The following PFKFB3 variants were observed in gnomAD, a reference collection of about 807,000 sequenced individuals.
The protein encoded by PFKFB3 is 6-phosphofructo-2-kinase/fructose-2,6-bisphosphatase 3.
In PFKFB3, 33 loss-of-function variants were observed where a neutral mutation model predicts 68.0. The ratio of observed to expected loss-of-function variants is 0.49; its 90% CI spans 0.37 to 0.65. The LOEUF (loss-of-function observed/expected upper bound fraction) is 0.65, where lower values mean the gene tolerates loss of function less well. Among genes scored for constraint, PFKFB3 ranks in the 30% least tolerant of loss-of-function variants. PFKFB3 has a pLI of 0.00. For missense variants in PFKFB3, 586 were observed against 712.2 expected, an observed-to-expected ratio of 0.82 and a Z score of 2.02; for synonymous variants, 315 against 288.2, an observed-to-expected ratio of 1.09 and a Z score of -0.94.
In PFKFB3 at chr10:6,226,308, C is replaced by T. The variant is rs764395379; in HGVS notation, c.1458C>T (p.Thr486=). 5 of 1,614,036 alleles carry T rather than the reference C, an allele frequency of 3.1e-6. No individual in the cohort carries two copies. Among genetic ancestry groups the T allele is most frequent in the East Asian group, 4.5e-5 (2 of 44,890 alleles). The part of the protein sequence containing the change: ...INSFEEHVAS[T]SAALPSCLPP... The stretch of plus-strand genomic sequence containing the variant: ...GCTTTGAGGAGCATGTGGCCTCCAC[C>T]TCGGCCGCCCTGCCCAGCTGCCTGC... Residue 486 remains threonine (T), a synonymous_variant, in exon 14 of 15, where the codon ACC becomes ACT. Coordinates refer to ENST00000379775, the MANE Select transcript of PFKFB3 (RefSeq NM_004566.4).
intron 1 of PFKFB3, among the ~76,000 whole-genome samples, chr10:6,172,735 T>A (rs540445146): frequency 6.6e-6 from 1 of 151,870 alleles, no homozygotes; most frequent in Admixed American, 6.6e-5. Flanking sequence ...GGCAGGAGGA[T>A]TGCTTGAGCC....
chr10:6,208,974 C>T (rs1041103558), intron 1 of PFKFB3, among the ~76,000 whole-genome samples: 6 of 152,216 alleles, frequency 3.9e-5, no homozygotes, highest in African/African-American at 1.4e-4. Flanking sequence ...GTACTGCGGG[C>T]TTGTAGACAG....
chr10:6,272,263 G>T, the PFKFB3 span, among the ~76,000 whole-genome samples: 1 of 152,192 alleles, frequency 6.6e-6, no homozygotes, highest in East Asian at 1.9e-4. Flanking sequence ...TGCAGGTAAT[G>T]GTCTCCTGTG....
chr10:6,312,590 C>A, the PFKFB3 span, among the ~76,000 whole-genome samples: 2 of 152,208 alleles, frequency 1.3e-5, no homozygotes, highest in Non-Finnish European at 2.9e-5. Context: ...AGCTACTAAA[C>A]ACACCTTCCA....
intron 1 of PFKFB3, among the ~76,000 whole-genome samples, chr10:6,165,938 G>C (rs1004171392): frequency 6.7e-6 from 1 of 148,330 alleles, no homozygotes; most frequent in African/African-American, 2.5e-5. Flanking sequence ...CCTCAGCCTC[G>C]TGAGTAGCTG....
intron 2 of PFKFB3, 48 bp downstream of exon 2, chr10:6,213,796 C>T (rs1276166459): frequency 1.3e-6 from 2 of 1,589,176 alleles, no homozygotes; most frequent in African/African-American, 1.3e-5. Flanking sequence ...AAAAACTTGA[C>T]CTTCCATCTC....
chr10:6,238,252 C>T (rs1846064864), downstream of PFKFB3, among the ~76,000 whole-genome samples: 1 of 152,020 alleles, frequency 6.6e-6, no homozygotes, highest in Admixed American at 6.6e-5. Flanking sequence ...GCAACCTCCA[C>T]CTCCCAGGTT....
At chr10:6,250,922 TCTTAA>T (rs1285997934) in intron 14 of PFKFB3, among the ~76,000 whole-genome samples, 3 of 152,196 alleles carry the variant, frequency 2.0e-5, no homozygotes, top group Non-Finnish European at 2.9e-5. Flanking sequence ...CGCCAGCGCT[TCTTAA>T]CTTAGCCGCA....
At chr10:6,308,256 T>C in the PFKFB3 span, among the ~76,000 whole-genome samples, 1 of 152,194 alleles carries the variant, frequency 6.6e-6, no homozygotes, top group African/African-American at 2.4e-5. Context: ...CTCATGCCCA[T>C]AATCCCAACA....
chr10:6,259,280 CCATCCATCCACCCAACCATT>C (rs1206619028), downstream of PFKFB3, among the ~76,000 whole-genome samples: 13 of 151,154 alleles, frequency 8.6e-5, no homozygotes, highest in African/African-American at 1.2e-4. Flanking sequence ...ACCCAACCAT[CCATCCATCCACCCAACCATT>C]CATCCATCCA....
chr10:6,167,907 C>G (rs528802509), intron 1 of PFKFB3, among the ~76,000 whole-genome samples: 1 of 152,232 alleles, frequency 6.6e-6, no homozygotes, highest in Non-Finnish European at 1.5e-5. Flanking sequence ...TTTTGTTTCT[C>G]TTTGCCTGTT....
At chr10:6,218,831 G>T (rs368425524) in intron 6 of PFKFB3, among the ~76,000 whole-genome samples, 1 of 152,172 alleles carries the variant, frequency 6.6e-6, no homozygotes, top group Non-Finnish European at 1.5e-5. Context: ...CATCTTCCCC[G>T]GCTGAAACTG....
At chr10:6,287,095 GT>G in the PFKFB3 span, among the ~76,000 whole-genome samples, 1 of 151,750 alleles carries the variant, frequency 6.6e-6, no homozygotes, top group African/African-American at 2.4e-5. Flanking sequence ...TTTTTGTTTT[GT>G]TTTGTTTTGT....
At chr10:6,201,686 C>A (rs1199169412), upstream of PFKFB3, among the ~76,000 whole-genome samples, 1 of 152,174 alleles carries the variant, frequency 6.6e-6, no homozygotes, top group East Asian at 1.9e-4. This position sits in a 1 kb window ranked among gnomAD's most constrained non-coding sequence, Gnocchi z 4.1. Flanking sequence ...TTTTCCGCCG[C>A]GGTGTAGGTT....
intron 1 of PFKFB3, among the ~76,000 whole-genome samples, chr10:6,196,462 G>A (rs1358803412): frequency 6.6e-6 from 1 of 152,136 alleles, no homozygotes; most frequent in Non-Finnish European, 1.5e-5. Flanking sequence ...GAGGAGCAAG[G>A]AAGCCAGTCC....
At chr10:6,199,295 C>T (rs188360563), upstream of PFKFB3, among the ~76,000 whole-genome samples, 3 of 152,222 alleles carry the variant, frequency 2.0e-5, no homozygotes, top group East Asian at 1.9e-4. Context: ...CACAGGATCA[C>T]GGAAATGCGG....
the PFKFB3 span, among the ~76,000 whole-genome samples, chr10:6,275,306 T>C: frequency 2.6e-5 from 4 of 152,226 alleles, no homozygotes; most frequent in Non-Finnish European, 5.9e-5. This position sits in a 1 kb window ranked among gnomAD's most constrained non-coding sequence, Gnocchi z 4.9. Flanking sequence ...CTGCATAGCT[T>C]GTCTGTGACT....
chr10:6,166,689 A>G lies in PFKFB3; in HGVS notation c.16+21676A>G, dbSNP rs187064378. On this transcript the variant is annotated intron_variant, in intron 1 of 14. Transcript: ENST00000379789. ...TCTTGAGTAGCACCTGTTTCGGCCC[A>G]TTGCCCCTTTAACAAGGGGCCCAGG... Among the ~76,000 whole-genome samples the G allele has an allele frequency of 1.1e-4, 16 of 152,232 alleles. No homozygotes were observed. The South Asian group carries it at 3.3e-3, about 32-fold the overall frequency.
chr10:6,294,492 T>C, the PFKFB3 span: 998 of 223,204 alleles, frequency 4.5e-3, 10 homozygotes, highest in African/African-American at 0.022. Flanking sequence ...ACTTATTCGC[T>C]ATCACAAGAA....
Sources: gnomAD v4.1 joint callset for allele counts (sites outside exome capture counted in the v4.1 genomes callset) on GRCh38, gnomAD v4.1.1 for gene constraint, Gnocchi (gnomAD v3.1) non-coding constraint, MANE v1.5 for transcripts, NCBI Gene and HGNC (gene_info 2026-07-23, HGNC 2026-07-21) for gene names.